The following RPS4Y1 variants were observed in gnomAD, a reference collection of about 807,000 sequenced individuals.
The protein encoded by RPS4Y1 is ribosomal protein S4 Y-linked 1.
For missense variants in RPS4Y1, 30 were observed against 60.9 expected, an observed-to-expected ratio of 0.49 and a Z score of 1.69; for synonymous variants, 23 against 20.8, an observed-to-expected ratio of 1.10 and a Z score of -0.28.
intron 4 of RPS4Y1, 57 bp from the exon 5 acceptor site, chrY:2,854,543 G>A: frequency 3.3e-6 from 1 of 306,850 alleles, no homozygotes; most frequent in Non-Finnish European, 5.0e-6. Context: ...CTGGGTGACT[G>A]CTTTAGGCTG....
intron 4 of RPS4Y1, among the ~76,000 whole-genome samples, chrY:2,849,604 A>T: frequency 3.0e-5 from 1 of 33,572 alleles, no homozygotes; most frequent in Non-Finnish European, 7.4e-5. Flanking sequence ...TCACATCTTT[A>T]AAATCTGAAG....
At chrY:2,864,342 GCTTT>G (rs2051165612) in intron 5 of RPS4Y1, among the ~76,000 whole-genome samples, 1 of 32,200 alleles carries the variant, frequency 3.1e-5, no homozygotes, top group South Asian at 6.9e-4. Flanking sequence ...TTATTCTCTG[GCTTT>G]GGTGGTGTGT....
At chrY:2,855,697 G>C in intron 5 of RPS4Y1, among the ~76,000 whole-genome samples, 1 of 33,989 alleles carries the variant, frequency 2.9e-5, no homozygotes, top group Non-Finnish European at 7.3e-5. Context: ...AAAATATTGA[G>C]AGGGGATATT....
intron 5 of RPS4Y1, among the ~76,000 whole-genome samples, chrY:2,859,929 G>A: frequency 3.1e-5 from 1 of 32,139 alleles, no homozygotes. Context: ...TGGTATTCTT[G>A]TGAGGACTAA....
intron 5 of RPS4Y1, among the ~76,000 whole-genome samples, chrY:2,856,465 T>G (rs113021349): frequency 4.4e-3 from 152 of 34,205 alleles, no homozygotes; most frequent in Non-Finnish European, 9.4e-3. Flanking sequence ...GGATGTGGAC[T>G]TCTTATCTCC....
At chrY:2,848,216 G>A in intron 4 of RPS4Y1, among the ~76,000 whole-genome samples, 1 of 33,195 alleles carries the variant, frequency 3.0e-5, no homozygotes, top group African/African-American at 1.2e-4. Flanking sequence ...ATTTTCTTTT[G>A]AGATAGTGGG....
intron 1 of RPS4Y1, 77 bp from the exon 2 acceptor site, chrY:2,842,088 G>A: frequency 3.0e-6 from 1 of 333,377 alleles, no homozygotes; most frequent in Non-Finnish European, 4.5e-6. Context: ...TTACCCGTTA[G>A]CAGTTCCTAC....
At chrY:2,859,879 A>G (rs889668562) in intron 5 of RPS4Y1, among the ~76,000 whole-genome samples, 5 of 32,128 alleles carry the variant, frequency 1.6e-4, no homozygotes, top group Admixed American at 8.5e-4. Flanking sequence ...GCTTTTGCTT[A>G]CCTTGGAAGG....
At chrY:2,852,524 C>T (rs2051156850) in intron 4 of RPS4Y1, among the ~76,000 whole-genome samples, 1 of 33,986 alleles carries the variant, frequency 2.9e-5, no homozygotes, top group Non-Finnish European at 7.3e-5. Context: ...AGGGAACTTA[C>T]GCAGCTTTCA....
chrY:2,850,836 CTTTCTTTTTTT>C (rs2051155533), intron 4 of RPS4Y1, among the ~76,000 whole-genome samples: 1 of 20,866 alleles, frequency 4.8e-5, no homozygotes, highest in South Asian at 1.1e-3. Context: ...CAGAGGGTTT[CTTTCTTTTTTT>C]TTTTTTTTTT....
At chrY:2,854,525 A>G in intron 4 of RPS4Y1, 75 bp from the exon 5 acceptor site, 1 of 259,017 alleles carries the variant, frequency 3.9e-6, no homozygotes, top group African/African-American at 7.5e-5. Context: ...CGATGGGATA[A>G]GTAATGTCTG....
intron 2 of RPS4Y1, among the ~76,000 whole-genome samples, chrY:2,843,268 C>T: frequency 3.0e-5 from 1 of 33,483 alleles, no homozygotes; most frequent in Non-Finnish European, 7.4e-5. Context: ...AGAAGACTTG[C>T]TGGGAACTTG....
chrY:2,855,925 G>A (rs770784365), intron 5 of RPS4Y1, among the ~76,000 whole-genome samples: 5 of 33,796 alleles, frequency 1.5e-4, no homozygotes, highest in African/African-American at 5.8e-4. Flanking sequence ...AAACATTTGC[G>A]GAGTTACTTA....
chrY:2,844,318 G>A, intron 3 of RPS4Y1, 61 bp downstream of exon 3: 2 of 279,475 alleles, frequency 7.2e-6, no homozygotes, highest in Non-Finnish European at 1.1e-5. Flanking sequence ...AGGACAAGAT[G>A]TAGGGCTCTC....
chrY:2,861,321 G>T (rs2051163406), intron 5 of RPS4Y1, among the ~76,000 whole-genome samples: 1 of 32,644 alleles, frequency 3.1e-5, no homozygotes, highest in East Asian at 8.0e-4. Flanking sequence ...TTTTTGTCTG[G>T]TAACTCATAC....
intron 4 of RPS4Y1, among the ~76,000 whole-genome samples, chrY:2,848,791 G>C (rs766161092): frequency 1.2e-4 from 4 of 33,122 alleles, no homozygotes; most frequent in Admixed American, 1.1e-3. Context: ...TAATTTTTTT[G>C]GATACAGGTG....
Position 2,865,031 on chromosome Y carries a change from A to G in RPS4Y1, c.533-57A>G, listed in dbSNP as rs2051166216. 9.2e-6 allele frequency: 3 copies of G among 325,444 alleles called. No homozygotes were observed. In the African/African-American group the frequency reaches 2.2e-4, roughly 23 times the overall value. The allele number at this position is 325,444 out of a possible 400,897, so 81.2% of individuals were successfully genotyped here. A position where few individuals can be genotyped will look rare whatever the true frequency, so the allele number is the denominator to read the frequency against. On this transcript the variant is annotated intron_variant, in intron 5 of 6. Coordinates refer to ENST00000250784, the MANE Select transcript of RPS4Y1 (RefSeq NM_001008.4). The stretch of plus-strand genomic sequence containing the variant: ...TGTGTGTTAATTTGTTTTAAAGGCA[A>G]CAGGCCCGTCTGGTTTTAAAATGAC...
intron 5 of RPS4Y1, 81 bp downstream of exon 5, chrY:2,854,852 T>C: frequency 4.8e-6 from 1 of 209,040 alleles, no homozygotes; most frequent in Non-Finnish European, 8.1e-6. Context: ...TCTTCTGTTT[T>C]GTCTGTACAC....
At chrY:2,851,459 C>T in intron 4 of RPS4Y1, among the ~76,000 whole-genome samples, 1 of 33,336 alleles carries the variant, frequency 3.0e-5, no homozygotes, top group South Asian at 6.7e-4. Context: ...TCTGCTTACT[C>T]AGCACCTCTA....
Sources: allele counts gnomAD v4.1 joint callset (sites outside exome capture counted in the v4.1 genomes callset), GRCh38; gene constraint gnomAD v4.1.1; transcripts MANE v1.5; gene names NCBI Gene and HGNC (gene_info 2026-07-23, HGNC 2026-07-21).